ATOSB: variants seen among roughly 807,000 people sequenced by gnomAD.
ATOSB encodes atos homolog B.
chr9:35,113,859 G>A, the ATOSB span, among the ~76,000 whole-genome samples: 1 of 151,992 alleles, frequency 6.6e-6, no homozygotes, highest in Non-Finnish European at 1.5e-5. Flanking sequence ...ATTAGTCCCT[G>A]GCAATGTTCA....
At chr9:35,111,067 G>A in the ATOSB span, 1 of 152,614 alleles carries the variant, frequency 6.6e-6, no homozygotes, top group Non-Finnish European at 1.5e-5. Flanking sequence ...TATCTTCAGA[G>A]GGGAGAGAGC....
At chr9:35,106,369 A>G in the ATOSB span, 2 of 1,614,148 alleles carry the variant, frequency 1.2e-6, no homozygotes, top group African/African-American at 2.7e-5. The surrounding 1 kb of genome is among the most constrained non-coding windows in gnomAD (Gnocchi z 4.6). Flanking sequence ...TGAAGCCCTC[A>G]ATGTGGCCAG....
the ATOSB span, chr9:35,106,896 G>A: frequency 1.4e-5 from 22 of 1,565,698 alleles, no homozygotes; most frequent in Middle Eastern, 1.7e-4. This position sits in a 1 kb window ranked among gnomAD's most constrained non-coding sequence, Gnocchi z 4.6. Context: ...TGGGTCCTAC[G>A]GAGAGAAATG....
chr9:35,108,909 C>T, the ATOSB span: 1 of 153,628 alleles, frequency 6.5e-6, no homozygotes, highest in East Asian at 1.9e-4. Flanking sequence ...AGTTGGGCTA[C>T]CTAAGGAGTC....
chr9:35,104,829 G>A, the ATOSB span: 1 of 174,062 alleles, frequency 5.7e-6, no homozygotes, highest in Non-Finnish European at 1.4e-5. Flanking sequence ...CCAATTATCA[G>A]GTGTGGGAGG....
the ATOSB span, chr9:35,105,721 T>A: frequency 1.9e-6 from 3 of 1,613,292 alleles, no homozygotes; most frequent in Non-Finnish European, 2.5e-6. This position sits in a 1 kb window ranked among gnomAD's most constrained non-coding sequence, Gnocchi z 5.5. Flanking sequence ...GTGGGTGGGG[T>A]TAGCATTTCC....
At chr9:35,112,378 G>C in the ATOSB span, 2 of 152,104 alleles carry the variant, frequency 1.3e-5, no homozygotes, top group African/African-American at 4.8e-5. Context: ...GGATAGGAGA[G>C]CTTCTGCCCA....
chr9:35,105,923 C>A, the ATOSB span: 2 of 1,614,070 alleles, frequency 1.2e-6, no homozygotes, highest in Non-Finnish European at 1.7e-6. The surrounding 1 kb of genome is among the most constrained non-coding windows in gnomAD (Gnocchi z 5.5). Flanking sequence ...CACTCCCACT[C>A]CCTCAGGGCA....
At chr9:35,107,754 G>A in the ATOSB span, 1 of 1,571,618 alleles carries the variant, frequency 6.4e-7, no homozygotes, top group African/African-American at 1.4e-5. Flanking sequence ...TGGCCCTGGG[G>A]ACTCCCCCAG....
At chr9:35,112,190 T>C in the ATOSB span, 2 of 152,254 alleles carry the variant, frequency 1.3e-5, no homozygotes, top group Non-Finnish European at 2.9e-5. Context: ...TACTCTTAAA[T>C]TGATGTTCTT....
At chr9:35,111,554 C>A in the ATOSB span, 5 of 152,296 alleles carry the variant, frequency 3.3e-5, no homozygotes, top group African/African-American at 1.2e-4. Flanking sequence ...ACTCCACTGC[C>A]CCTCTGACTC....
At chr9:35,113,992 AT>A in the ATOSB span, among the ~76,000 whole-genome samples, 1 of 152,196 alleles carries the variant, frequency 6.6e-6, no homozygotes, top group African/African-American at 2.4e-5. Flanking sequence ...TTAGCCATAA[AT>A]TTCCAAACCT....
the ATOSB span, chr9:35,116,369 C>A: frequency 6.5e-6 from 1 of 152,720 alleles, no homozygotes; most frequent in Non-Finnish European, 1.5e-5. Flanking sequence ...TGAGGTCCCA[C>A]CCCGGCCACG....
the ATOSB span, chr9:35,106,942 T>C: frequency 4.0e-6 from 6 of 1,502,640 alleles, no homozygotes; most frequent in Non-Finnish European, 4.5e-6. The surrounding 1 kb of genome is among the most constrained non-coding windows in gnomAD (Gnocchi z 4.6). Flanking sequence ...CCATGTATGT[T>C]TTGGGGCAGA....
chr9:35,115,318 C>G, the ATOSB span, among the ~76,000 whole-genome samples: 1 of 152,142 alleles, frequency 6.6e-6, no homozygotes, highest in South Asian at 2.1e-4. Flanking sequence ...CTCTTCACCC[C>G]ACTAACCCCA....
the ATOSB span, chr9:35,106,393 T>C: frequency 2.5e-6 from 4 of 1,613,984 alleles, no homozygotes; most frequent in Admixed American, 1.7e-5. This position sits in a 1 kb window ranked among gnomAD's most constrained non-coding sequence, Gnocchi z 4.6. Flanking sequence ...GTGCAAAACG[T>C]CCTCGCAGCA....
chr9:35,112,635 A>G, the ATOSB span, among the ~76,000 whole-genome samples: 1 of 152,142 alleles, frequency 6.6e-6, no homozygotes, highest in Non-Finnish European at 1.5e-5. Context: ...GAGGTAAACT[A>G]AGAAAAGCAA....
the ATOSB span, chr9:35,104,686 C>A: frequency 2.7e-6 from 1 of 366,976 alleles, no homozygotes; most frequent in East Asian, 9.5e-5. Context: ...TGGCTACTGA[C>A]TCAGTCCCTC....
chr9:35,105,880 T>C, the ATOSB span: 1 of 1,613,934 alleles, frequency 6.2e-7, no homozygotes, highest in Non-Finnish European at 8.5e-7. This position sits in a 1 kb window ranked among gnomAD's most constrained non-coding sequence, Gnocchi z 5.5. Flanking sequence ...CAGTCAAGGT[T>C]GGTAGGGCCT....
Sources: allele counts gnomAD v4.1 joint callset (sites outside exome capture counted in the v4.1 genomes callset), GRCh38; gene constraint gnomAD v4.1.1; non-coding constraint Gnocchi (gnomAD v3.1); transcripts MANE v1.5; gene names NCBI Gene and HGNC (gene_info 2026-07-23, HGNC 2026-07-21).